The following TENM3 variants were observed in gnomAD, a reference collection of about 807,000 sequenced individuals.
TENM3 encodes teneurin transmembrane protein 3.
TENM3 carries 63 observed loss-of-function variants against 255.1 expected under a neutral mutation model. That is an observed-to-expected ratio of 0.25 (90% confidence interval 0.20 to 0.30). The LOEUF (loss-of-function observed/expected upper bound fraction) is 0.30, where lower values mean the gene tolerates loss of function less well. TENM3 is among the 10% of genes least tolerant of loss of function. TENM3 has a pLI of 1.00. For missense variants in TENM3, 2,929 were observed against 3,461.1 expected (o/e 0.85, Z 3.86); for synonymous variants, 1,306 against 1,322.3 (o/e 0.99, Z 0.27).
At chr4:181,553,298 TA>T in the TENM3 span, among the ~76,000 whole-genome samples, 915 of 102,552 alleles carry the variant, frequency 8.9e-3, 21 homozygotes, top group African/African-American at 0.035. Context: ...TGTGTGTGTG[TA>T]GTGTGTGTGT....
At chr4:181,553,320 GTATA>G in the TENM3 span, among the ~76,000 whole-genome samples, 2 of 115,748 alleles carry the variant, frequency 1.7e-5, no homozygotes, top group African/African-American at 3.4e-5. Flanking sequence ...ATGTGTATGC[GTATA>G]TATATATATA....
At chr4:182,277,113 G>T (rs910904468) in intron 1 of TENM3, among the ~76,000 whole-genome samples, 21 of 152,202 alleles carry the variant, frequency 1.4e-4, no homozygotes, top group Admixed American at 1.1e-3. Flanking sequence ...GTGAGGTCAG[G>T]TCCTATTACT....
At chr4:182,385,051 AT>A (rs1350552334) in intron 3 of TENM3, among the ~76,000 whole-genome samples, 1 of 152,066 alleles carries the variant, frequency 6.6e-6, no homozygotes, top group African/African-American at 2.4e-5. Flanking sequence ...CTTCAGCCTC[AT>A]TTTTACGTAG....
chr4:181,594,299 A>G, the TENM3 span, among the ~76,000 whole-genome samples: 1 of 152,164 alleles, frequency 6.6e-6, no homozygotes, highest in East Asian at 1.9e-4. Flanking sequence ...TTTCAAAAAA[A>G]CCATAGCAAT....
chr4:181,977,060 C>T, the TENM3 span, among the ~76,000 whole-genome samples: 3 of 152,178 alleles, frequency 2.0e-5, no homozygotes, highest in Non-Finnish European at 4.4e-5. Context: ...TAAGAGACAG[C>T]GTGGCGTTGT....
At chr4:181,777,888 A>G in the TENM3 span, among the ~76,000 whole-genome samples, 1 of 152,112 alleles carries the variant, frequency 6.6e-6, no homozygotes, top group Non-Finnish European at 1.5e-5. Flanking sequence ...TAGCTGAGAC[A>G]GAATCTCATT....
the TENM3 span, among the ~76,000 whole-genome samples, chr4:181,982,196 A>C: frequency 4.6e-5 from 7 of 152,160 alleles, no homozygotes; most frequent in Admixed American, 2.0e-4. Context: ...ATTTCAGAGG[A>C]AGGAATTTCA....
the TENM3 span, among the ~76,000 whole-genome samples, chr4:181,485,495 AAAG>A: frequency 2.6e-5 from 4 of 152,166 alleles, no homozygotes; most frequent in Non-Finnish European, 5.9e-5. Context: ...TTTTTAAAAA[AAAG>A]AGTATCACTT....
the TENM3 span, among the ~76,000 whole-genome samples, chr4:181,600,311 G>T: frequency 3.9e-5 from 6 of 152,034 alleles, no homozygotes; most frequent in African/African-American, 1.4e-4. Flanking sequence ...TAAAATCTGA[G>T]GGCTCCAGAG....
intron 1 of TENM3, among the ~76,000 whole-genome samples, chr4:182,168,343 C>A (rs954075875): frequency 6.6e-6 from 1 of 152,100 alleles, no homozygotes; most frequent in Non-Finnish European, 1.5e-5. Flanking sequence ...CTATGTTGCC[C>A]AGGCTGATCT....
chr4:181,464,136 C>T, the TENM3 span, among the ~76,000 whole-genome samples: 2 of 152,116 alleles, frequency 1.3e-5, no homozygotes, highest in Non-Finnish European at 2.9e-5. Flanking sequence ...TTTGTGTGGA[C>T]ACATGTTTTC....
chr4:181,978,645 C>CA, the TENM3 span, among the ~76,000 whole-genome samples: 2,264 of 72,662 alleles, frequency 0.031, 36 homozygotes, highest in African/African-American at 0.051. Context: ...GAGTCCATCT[C>CA]AAAAAAAAAA....
intron 3 of TENM3, among the ~76,000 whole-genome samples, chr4:182,492,985 G>T (rs1458514079): frequency 6.6e-6 from 1 of 152,048 alleles, no homozygotes; most frequent in Non-Finnish European, 1.5e-5. Flanking sequence ...AAAGGAAGGA[G>T]TGGTTTATAT....
the TENM3 span, among the ~76,000 whole-genome samples, chr4:181,880,803 G>A: frequency 2.0e-5 from 3 of 152,090 alleles, no homozygotes; most frequent in African/African-American, 7.2e-5. Flanking sequence ...CCTGGCAAAT[G>A]ACAAGCCCTT....
At chr4:181,775,871 A>G in the TENM3 span, among the ~76,000 whole-genome samples, 13 of 152,192 alleles carry the variant, frequency 8.5e-5, no homozygotes, top group African/African-American at 3.1e-4. Context: ...TTATCAAATT[A>G]GAGTACTTAG....
chr4:182,288,353 A>G (rs1284455700), intron 1 of TENM3, among the ~76,000 whole-genome samples: 2 of 152,174 alleles, frequency 1.3e-5, no homozygotes, highest in African/African-American at 2.4e-5. Flanking sequence ...TATAGGAGTG[A>G]GTGCCCAGCA....
intron 4 of TENM3, among the ~76,000 whole-genome samples, chr4:182,601,955 AG>A (rs1747926246): frequency 6.6e-6 from 1 of 152,244 alleles, no homozygotes; most frequent in Non-Finnish European, 1.5e-5. Flanking sequence ...TGTTTCATTA[AG>A]GTTCAAAGTT....
At chr4:181,755,386 T>C in the TENM3 span, among the ~76,000 whole-genome samples, 6 of 152,148 alleles carry the variant, frequency 3.9e-5, no homozygotes, top group Admixed American at 2.6e-4. Context: ...ATTATTTTTC[T>C]GGTATAACAT....
the TENM3 span, among the ~76,000 whole-genome samples, chr4:182,012,027 A>G: frequency 5.3e-5 from 8 of 152,206 alleles, no homozygotes; most frequent in Admixed American, 1.3e-4. Context: ...GCCGGCATCA[A>G]CTGCAAACAT....
Sources: allele counts gnomAD v4.1 joint callset (sites outside exome capture counted in the v4.1 genomes callset), GRCh38; gene constraint gnomAD v4.1.1; transcripts MANE v1.5; gene names NCBI Gene and HGNC (gene_info 2026-07-23, HGNC 2026-07-21).